Variants in ARMC9 observed in about 807,000 individuals in gnomAD.
The protein encoded by ARMC9 is lisH domain-containing protein ARMC9.
ARMC9 carries 94 observed loss-of-function variants against 107.0 expected under a neutral mutation model. The observed-to-expected ratio is 0.88, with a 90% CI of 0.74 to 1.04. ARMC9 has a LOEUF of 1.04. Ranked by LOEUF, ARMC9 falls within the 50% of genes least tolerant of loss-of-function variation. The pLI, the probability that ARMC9 is intolerant of heterozygous loss-of-function variation, is 0.00. For missense variants in ARMC9, 942 were observed against 1,030.1 expected, an observed-to-expected ratio of 0.91 and a Z score of 1.17; for synonymous variants, 380 against 396.9, an observed-to-expected ratio of 0.96 and a Z score of 0.51.
Position 231,262,403 on chromosome 2 carries a change from G to A in ARMC9, c.1119+5G>A, listed in dbSNP as rs1160868054. The A allele has an allele frequency of 1.9e-6, 3 of 1,613,400 alleles. No homozygotes were observed. In the African/African-American group the frequency reaches 4.0e-5, roughly 22 times the overall value. On this transcript the variant is annotated splice_donor_5th_base_variant and intron_variant, in intron 12 of 24. Coordinates refer to ENST00000611582, the MANE Select transcript of ARMC9 (RefSeq NM_001352754.2). Reference sequence around the variant, plus strand: ...GACTGTTATAGCCACAACCAGGTTGGTAAGAGGTGGGGCCAGATCCCAGCC... The same window carrying A: ...GACTGTTATAGCCACAACCAGGTTGATAAGAGGTGGGGCCAGATCCCAGCC...
At chr2:231,240,120 T>A (rs1312737554) in intron 9 of ARMC9, 79 bp downstream of exon 9, 5 of 1,223,838 alleles carry the variant, frequency 4.1e-6, no homozygotes, top group Admixed American at 2.2e-5. Context: ...AAAAATAGCA[T>A]GAAAAAATAA....
At chr2:231,369,025 C>T (rs964955873) in intron 23 of ARMC9, among the ~76,000 whole-genome samples, 5 of 152,216 alleles carry the variant, frequency 3.3e-5, no homozygotes, top group African/African-American at 7.2e-5. Context: ...AGTCCTACTT[C>T]CCAGAACTAT....
chr2:231,313,866 C>T (rs765233664), intron 19 of ARMC9, among the ~76,000 whole-genome samples: 2 of 151,450 alleles, frequency 1.3e-5, no homozygotes, highest in Non-Finnish European at 2.9e-5. Flanking sequence ...GGGATCCTAC[C>T]ACCTCAGCCT....
At chr2:231,307,404 G>A (rs2042093887) in intron 19 of ARMC9, among the ~76,000 whole-genome samples, 1 of 152,180 alleles carries the variant, frequency 6.6e-6, no homozygotes, top group South Asian at 2.1e-4. Flanking sequence ...AGATGGTTGG[G>A]GTGTGAGCTC....
chr2:231,220,773 A>G (rs1025279681), intron 5 of ARMC9, among the ~76,000 whole-genome samples: 2 of 152,270 alleles, frequency 1.3e-5, no homozygotes, highest in Admixed American at 6.5e-5. Context: ...TAGGTGACTC[A>G]TGTCCAAAGA....
intron 3 of ARMC9, among the ~76,000 whole-genome samples, chr2:231,211,733 C>G (rs1338168884): frequency 6.6e-6 from 1 of 152,132 alleles, no homozygotes; most frequent in Non-Finnish European, 1.5e-5. Context: ...CATAAGCGTT[C>G]CAGTTTCTCT....
chr2:231,214,675 C>T (rs1023200288), intron 3 of ARMC9, among the ~76,000 whole-genome samples, 156 bp from the exon 4 acceptor site: 3 of 152,158 alleles, frequency 2.0e-5, no homozygotes, highest in South Asian at 2.1e-4. Context: ...GTGCAGGAAT[C>T]GCAGGCTCAG....
Position 231,273,086 on chromosome 2 carries a change from CTG to C in ARMC9, c.1334+11_1334+12del, listed in dbSNP as rs1273570812. On this transcript the variant is annotated intron_variant, in intron 14 of 24. Coordinates refer to ENST00000611582, the MANE Select transcript of ARMC9 (RefSeq NM_001352754.2). ...GCAGAAGTTCAGTCTCAGGTAACGA[CTG>C]TGCAATAGGTCACGGTGTCTCCTGT... The C allele has an allele frequency of 1.2e-6, 2 of 1,611,898 alleles. No individual in the cohort carries two copies. Among genetic ancestry groups the C allele is most frequent in the African/African-American group, 2.7e-5 (2 of 74,864 alleles).
rs1163588204 is a variant in ARMC9, at chr2:231,255,907, G to T, written c.880-679G>T. Among the ~76,000 whole-genome samples the T allele has an allele frequency of 6.6e-6, 1 of 152,176 alleles. No homozygotes were observed. Among genetic ancestry groups the T allele is most frequent in the African/African-American group, 2.4e-5 (1 of 41,450 alleles). ...TAAACAAAATTAGCTGAGCATGGTG[G>T]CAGGTGCCTGTAATCCCAGCTACTC... On this transcript the variant is annotated intron_variant, in intron 9 of 24. Transcript: ENST00000611582. This position sits in a 1 kb window ranked among gnomAD's most constrained non-coding sequence, Gnocchi z 4.7.
intron 20 of ARMC9, among the ~76,000 whole-genome samples, chr2:231,340,882 G>A (rs188247478): frequency 5.9e-5 from 9 of 151,942 alleles, no homozygotes; most frequent in East Asian, 1.9e-4. Context: ...AGCAAGCTCC[G>A]TCTCAAAACA....
chr2:231,199,594 G>A (rs1014556987), intron 1 of ARMC9, among the ~76,000 whole-genome samples: 73 of 152,264 alleles, frequency 4.8e-4, no homozygotes, highest in African/African-American at 1.6e-3. Flanking sequence ...TTACTATGAA[G>A]GTTAAATGTA....
intron 16 of ARMC9, among the ~76,000 whole-genome samples, chr2:231,281,177 T>A (rs1267157976): frequency 6.9e-6 from 1 of 144,498 alleles, no homozygotes; most frequent in East Asian, 2.0e-4. Flanking sequence ...CCTCCAGTGC[T>A]GTAGTGGAGG....
At chr2:231,300,917 A>G (rs1269813901) in intron 19 of ARMC9, among the ~76,000 whole-genome samples, 5 of 152,142 alleles carry the variant, frequency 3.3e-5, no homozygotes, top group Non-Finnish European at 1.5e-5. Context: ...GGGTGTGGCC[A>G]GCAGGGGTGG....
At chr2:231,272,166 TTGTGTG>T (rs60518694) in intron 13 of ARMC9, among the ~76,000 whole-genome samples, 14 of 146,808 alleles carry the variant, frequency 9.5e-5, no homozygotes, top group African/African-American at 3.2e-4. Flanking sequence ...TGTGGGGGTT[TTGTGTG>T]TGTGTGTGTG....
chr2:231,293,945 A>G (rs895460926), intron 18 of ARMC9: 1 of 152,232 alleles, frequency 6.6e-6, no homozygotes, highest in Admixed American at 6.5e-5. Context: ...CCTCAAGTGG[A>G]AATTAATAGC....
intron 19 of ARMC9, among the ~76,000 whole-genome samples, chr2:231,309,664 G>A (rs1206716720): frequency 6.6e-6 from 1 of 152,086 alleles, no homozygotes; most frequent in Admixed American, 6.5e-5. Flanking sequence ...CTAGGGCATA[G>A]ATGTCTTGAA....
In ARMC9 at chr2:231,198,708, T is replaced by TC. The variant is rs996784562; in HGVS notation, c.-42+14dup. On this transcript the variant is annotated intron_variant, in intron 1 of 24. Transcript: ENST00000611582. ...CGCGGCCGAGCAGCAGGTAAGCGCG[T>TC]CCCCGGATGCAGCCGGGCCACCCTC... 3.3e-5 allele frequency: 5 copies of TC among 152,112 alleles called. No homozygotes were observed. The highest frequency in any genetic ancestry group is 7.3e-5 in the Non-Finnish European group (5 of 68,056). The allele number at this position is 152,112 out of a possible 1,614,324, so 9.4% of individuals were successfully genotyped here. A position where few individuals can be genotyped will look rare whatever the true frequency, so the allele number is the denominator to read the frequency against.
intron 21 of ARMC9, 159 bp downstream of exon 21, chr2:231,345,249 T>A: frequency 1.6e-6 from 2 of 1,283,830 alleles, no homozygotes; most frequent in Non-Finnish European, 2.1e-6. Flanking sequence ...AGAGGTTGAG[T>A]CCTTCTCCCT....
At chr2:231,248,232 A>C (rs2036951658) in intron 9 of ARMC9, among the ~76,000 whole-genome samples, 1 of 151,928 alleles carries the variant, frequency 6.6e-6, no homozygotes, top group Non-Finnish European at 1.5e-5. Flanking sequence ...CCCTGCCCAC[A>C]TTGCTGTTGT....
Sources: gnomAD v4.1 joint callset for allele counts (sites outside exome capture counted in the v4.1 genomes callset) on GRCh38, gnomAD v4.1.1 for gene constraint, Gnocchi (gnomAD v3.1) non-coding constraint, MANE v1.5 for transcripts, NCBI Gene and HGNC (gene_info 2026-07-23, HGNC 2026-07-21) for gene names.